CNTLN: variants seen among roughly 807,000 people sequenced by gnomAD.
CNTLN encodes centlein, also known as centlein, centrosomal protein.
CNTLN carries 212 observed loss-of-function variants against 180.0 expected under a neutral mutation model. That is an observed-to-expected ratio of 1.18 (90% CI 1.05 to 1.32). The LOEUF (loss-of-function observed/expected upper bound fraction) is 1.32. Among genes scored for constraint, CNTLN ranks in the 40% most tolerant of loss-of-function variants. The pLI, the probability that CNTLN is intolerant of heterozygous loss-of-function variation, is 0.00. For missense variants in CNTLN, 2,095 were observed against 1,610.9 expected (o/e 1.30, Z -5.14); for synonymous variants, 722 against 563.1 (o/e 1.28, Z -3.99).
the CNTLN span, among the ~76,000 whole-genome samples, chr9:17,512,810 C>T: frequency 6.6e-6 from 1 of 152,054 alleles, no homozygotes; most frequent in Non-Finnish European, 1.5e-5. Context: ...TATAGTCTAT[C>T]ATTTTTTTGT....
chr9:17,518,902 G>A, the CNTLN span, among the ~76,000 whole-genome samples: 1 of 152,060 alleles, frequency 6.6e-6, no homozygotes, highest in African/African-American at 2.4e-5. Context: ...TAAGAAATAA[G>A]CTTCTGCTGT....
At chr9:17,239,011 T>A (rs75472541) in intron 5 of CNTLN, among the ~76,000 whole-genome samples, 2,828 of 152,246 alleles carry the variant, frequency 0.019, 84 homozygotes, top group African/African-American at 0.065. Flanking sequence ...ACCTCAGGAA[T>A]GTGAAGTGAT....
intron 5 of CNTLN, among the ~76,000 whole-genome samples, chr9:17,252,558 C>A (rs929712998): frequency 1.3e-5 from 2 of 151,322 alleles, no homozygotes. Context: ...GAGAAATGTC[C>A]ATTTTTGTAC....
chr9:17,401,661 T>C (rs1245867424), intron 15 of CNTLN, among the ~76,000 whole-genome samples: 3 of 151,802 alleles, frequency 2.0e-5, no homozygotes, highest in Non-Finnish European at 4.4e-5. Flanking sequence ...ATGCAAGCCA[T>C]TGTGCTTGGC....
intron 25 of CNTLN, among the ~76,000 whole-genome samples, chr9:17,497,452 A>C (rs1833520772): frequency 6.6e-6 from 1 of 152,196 alleles, no homozygotes; most frequent in African/African-American, 2.4e-5. Context: ...AGTTCATTTT[A>C]CTAAATCCTG....
chr9:17,451,125 A>G (rs776223780), intron 18 of CNTLN, among the ~76,000 whole-genome samples: 2 of 152,196 alleles, frequency 1.3e-5, no homozygotes, highest in Non-Finnish European at 2.9e-5. Flanking sequence ...CTTTAAAAGT[A>G]TAATATTCTC....
At position 17,394,623 on chromosome 9, in the gene CNTLN, T is replaced by C. The variant is rs1826356666; in HGVS notation, c.2169T>C (p.Asp723=). Residue 723 remains aspartate (D), a synonymous_variant, in exon 15 of 26, where the codon GAT becomes GAC. Coordinates refer to ENST00000380647, the MANE Select transcript of CNTLN (RefSeq NM_017738.4). The stretch of plus-strand genomic sequence containing the variant: ...ATAAAAAATTAATGAAAGAAAATGA[T>C]TTTCTGAAATCCCTCTTAAAACAGC... ...EGNKKLMKEN[D]FLKSLLKQQQ... is the part of the protein sequence containing the mutation. 1 of 1,602,554 alleles carries C rather than the reference T, an allele frequency of 6.2e-7. No individual in the cohort carries two copies. The highest frequency in any genetic ancestry group is 1.7e-5 in the Admixed American group (1 of 57,506).
chr9:17,520,445 A>T, the CNTLN span, among the ~76,000 whole-genome samples: 1 of 152,220 alleles, frequency 6.6e-6, no homozygotes, highest in Admixed American at 6.5e-5. Context: ...TGTTCTGGCC[A>T]CCAGGTCCTC....
intron 5 of CNTLN, among the ~76,000 whole-genome samples, chr9:17,266,770 T>A (rs1362717904): frequency 6.6e-6 from 1 of 152,218 alleles, no homozygotes; most frequent in Non-Finnish European, 1.5e-5. Flanking sequence ...TGTTGTTGAA[T>A]TGATCCCTTT....
At position 17,290,148 on chromosome 9, in the gene CNTLN, T is replaced by C. The variant is rs1829273194; in HGVS notation, c.984-8042T>C. On this transcript the variant is annotated intron_variant, in intron 6 of 25. Transcript: ENST00000380647. ...TCCCCATCTTTGTGGTTTTATCTAC[T>C]TTTGGTCTTTGATGATGGTGATGTA... Among the ~76,000 whole-genome samples, 4 of 152,128 alleles carry C rather than the reference T, an allele frequency of 2.6e-5. No individual in the cohort carries two copies. The South Asian group carries it at 8.3e-4, about 32-fold the overall frequency.
At chr9:17,168,902 A>G (rs1820255395) in intron 2 of CNTLN, among the ~76,000 whole-genome samples, 1 of 152,222 alleles carries the variant, frequency 6.6e-6, no homozygotes, top group East Asian at 1.9e-4. Context: ...CCGAAAGACC[A>G]GGTCAGCAAC....
the CNTLN span, among the ~76,000 whole-genome samples, chr9:17,517,963 C>G: frequency 4.7e-4 from 71 of 150,822 alleles, no homozygotes; most frequent in African/African-American, 1.6e-3. Flanking sequence ...CCCAAGGAGC[C>G]TCTTTAGGCT....
intron 18 of CNTLN, among the ~76,000 whole-genome samples, chr9:17,422,109 G>A (rs150233212): frequency 1.3e-5 from 2 of 152,236 alleles, no homozygotes; most frequent in African/African-American, 4.8e-5. Flanking sequence ...TTTTGTTTGT[G>A]TGGGAAAGTC....
chr9:17,341,097 C>A (rs1821447220), intron 11 of CNTLN, 149 bp downstream of exon 11: 2 of 637,526 alleles, frequency 3.1e-6, no homozygotes, highest in East Asian at 3.6e-5. Flanking sequence ...GAGAATATAA[C>A]AAATTAAAAC....
At chr9:17,312,622 C>CCT (rs112219665) in intron 8 of CNTLN, among the ~76,000 whole-genome samples, 2,228 of 143,830 alleles carry the variant, frequency 0.015, 61 homozygotes, top group African/African-American at 0.055. Flanking sequence ...CCAGGACAAT[C>CCT]TCGATCTCCT....
intron 25 of CNTLN, among the ~76,000 whole-genome samples, chr9:17,497,886 GTATA>G (rs1833541862): frequency 6.6e-6 from 1 of 152,062 alleles, no homozygotes; most frequent in African/African-American, 2.4e-5. Flanking sequence ...GTGCTTGTAT[GTATA>G]TATATGTATG....
chr9:17,174,443 C>G (rs1820593586), intron 2 of CNTLN, among the ~76,000 whole-genome samples: 1 of 152,176 alleles, frequency 6.6e-6, no homozygotes, highest in Non-Finnish European at 1.5e-5. Flanking sequence ...TGCCTGTAAT[C>G]TTAGCACTTT....
chr9:17,314,492 A>G (rs922591160), intron 8 of CNTLN, among the ~76,000 whole-genome samples: 1 of 152,182 alleles, frequency 6.6e-6, no homozygotes, highest in African/African-American at 2.4e-5. Flanking sequence ...TCTTAACCTT[A>G]TTCAGATTGC....
chr9:17,379,625 T>C (rs1276001672), intron 13 of CNTLN, among the ~76,000 whole-genome samples: 1 of 152,166 alleles, frequency 6.6e-6, no homozygotes, highest in Non-Finnish European at 1.5e-5. Flanking sequence ...TTCATACATT[T>C]TGTCTAGTTT....
Sources: allele counts gnomAD v4.1 joint callset (sites outside exome capture counted in the v4.1 genomes callset), GRCh38; gene constraint gnomAD v4.1.1; transcripts MANE v1.5; gene names NCBI Gene and HGNC (gene_info 2026-07-23, HGNC 2026-07-21).